The following TRABD2B variants were observed in gnomAD, a reference collection of about 807,000 sequenced individuals.
The protein encoded by TRABD2B is TraB domain containing 2B.
Under a neutral mutation model 40.1 loss-of-function variants are expected in TRABD2B, and 14 were observed. The ratio of observed to expected loss-of-function variants is 0.35; its 90% CI spans 0.23 to 0.55. TRABD2B has a LOEUF of 0.55. Ranked by LOEUF, TRABD2B falls within the 20% of genes least tolerant of loss-of-function variation. The probability of loss-of-function intolerance (pLI) is 0.90; values close to 1 mark genes in which losing one functional copy is unlikely to be tolerated. For missense variants in TRABD2B, 541 were observed against 648.6 expected (o/e 0.83, Z 1.80); for synonymous variants, 263 against 277.0 (o/e 0.95, Z 0.50).
chr1:47,926,113 T>C (rs1644965426), intron 2 of TRABD2B, among the ~76,000 whole-genome samples: 1 of 152,250 alleles, frequency 6.6e-6, no homozygotes, highest in Admixed American at 6.5e-5. Flanking sequence ...TTTGCTAAAG[T>C]CACTTGTTTA....
chr1:47,968,692 T>A (rs1645638084), intron 2 of TRABD2B, among the ~76,000 whole-genome samples: 2 of 152,228 alleles, frequency 1.3e-5, no homozygotes, highest in Non-Finnish European at 2.9e-5. Flanking sequence ...CAAGACTAGC[T>A]CTGGGGTGGG....
intron 2 of TRABD2B, among the ~76,000 whole-genome samples, chr1:47,903,957 T>G (rs1406043772): frequency 1.3e-5 from 2 of 152,168 alleles, no homozygotes; most frequent in African/African-American, 4.8e-5. Context: ...TGCTCTGAGG[T>G]GTCTCTCCTT....
rs563243041 is a variant in TRABD2B, at chr1:47,843,032, C to T, written c.667-41413G>A. Among the ~76,000 whole-genome samples, 8 of 152,102 alleles carry T rather than the reference C, an allele frequency of 5.3e-5. 3 individuals are homozygous for T. The highest frequency in any genetic ancestry group is 1.9e-4 in the African/African-American group (8 of 41,480). Reference sequence around the variant, plus strand: ...TCATGATGAAGGAGCATGGCAGCTGCCCGAAGGACAGCAAGAGGCCAGTGT... The same window carrying T: ...TCATGATGAAGGAGCATGGCAGCTGTCCGAAGGACAGCAAGAGGCCAGTGT... On this transcript the variant is annotated intron_variant, in intron 2 of 6. Coordinates refer to ENST00000606738, the MANE Select transcript of TRABD2B (RefSeq NM_001194986.2).
intron 4 of TRABD2B, among the ~76,000 whole-genome samples, chr1:47,783,857 T>C (rs1359451870): frequency 6.6e-6 from 1 of 152,046 alleles, no homozygotes; most frequent in Non-Finnish European, 1.5e-5. Flanking sequence ...GTAGAGCGAG[T>C]GCTGTCCTAG....
chr1:47,977,555 A>G (rs772354442), intron 2 of TRABD2B, among the ~76,000 whole-genome samples: 2 of 152,090 alleles, frequency 1.3e-5, no homozygotes, highest in Non-Finnish European at 2.9e-5. Context: ...TATATACGTG[A>G]AGACTGAGGC....
intron 2 of TRABD2B, among the ~76,000 whole-genome samples, chr1:47,903,491 CA>C (rs1312879921): frequency 1.3e-5 from 2 of 152,112 alleles, no homozygotes; most frequent in Non-Finnish European, 2.9e-5. Flanking sequence ...GCTTTGTCTG[CA>C]CTGTGTCTGT....
intron 2 of TRABD2B, among the ~76,000 whole-genome samples, chr1:47,881,794 G>C (rs1314828545): frequency 6.6e-6 from 1 of 152,196 alleles, no homozygotes; most frequent in Non-Finnish European, 1.5e-5. Flanking sequence ...TGCATGGCTT[G>C]TGGCATCTGT....
intron 2 of TRABD2B, among the ~76,000 whole-genome samples, chr1:47,944,205 G>A (rs943070922): frequency 2.0e-5 from 3 of 152,194 alleles, no homozygotes; most frequent in African/African-American, 7.2e-5. Context: ...TGTGGAGAGA[G>A]GGAGCAGGGG....
intron 2 of TRABD2B, among the ~76,000 whole-genome samples, chr1:47,906,974 G>T (rs915580769): frequency 1.1e-4 from 16 of 152,352 alleles, no homozygotes; most frequent in African/African-American, 3.8e-4. Context: ...TCCCCGGACA[G>T]TGATGGCCTG....
At chr1:47,951,289 CG>C (rs1645340604) in intron 2 of TRABD2B, among the ~76,000 whole-genome samples, 1 of 152,192 alleles carries the variant, frequency 6.6e-6, no homozygotes, top group Non-Finnish European at 1.5e-5. Context: ...GGCCACAATG[CG>C]GGGGATTCTT....
intron 2 of TRABD2B, among the ~76,000 whole-genome samples, chr1:47,907,953 T>C (rs974911730): frequency 3.9e-5 from 6 of 152,224 alleles, no homozygotes; most frequent in African/African-American, 1.4e-4. Flanking sequence ...GTAAAGTTTT[T>C]GCCTCCTCTC....
chr1:47,903,033 A>G (rs932227145), intron 2 of TRABD2B, among the ~76,000 whole-genome samples: 1 of 152,048 alleles, frequency 6.6e-6, no homozygotes, highest in Admixed American at 6.5e-5. Flanking sequence ...GTCTGGGTTC[A>G]TGAAGCCACT....
At chr1:47,986,444 C>T (rs1645919948) in intron 2 of TRABD2B, among the ~76,000 whole-genome samples, 1 of 152,140 alleles carries the variant, frequency 6.6e-6, no homozygotes, top group Non-Finnish European at 1.5e-5. Flanking sequence ...ATTGTGAGCA[C>T]ATTTTGAGCT....
intron 2 of TRABD2B, among the ~76,000 whole-genome samples, chr1:47,894,547 G>A (rs1644491828): frequency 6.6e-6 from 1 of 152,154 alleles, no homozygotes; most frequent in Non-Finnish European, 1.5e-5. Flanking sequence ...GTGAGAAGAT[G>A]GAACAGAATG....
At chr1:47,899,222 C>T (rs1347967155) in intron 2 of TRABD2B, among the ~76,000 whole-genome samples, 1 of 152,192 alleles carries the variant, frequency 6.6e-6, no homozygotes, top group East Asian at 1.9e-4. Context: ...GCTTGCCCCA[C>T]AGATCTTGGC....
In TRABD2B at chr1:47,994,909, C is replaced by T. The variant is rs185202387; in HGVS notation, c.103-312G>A. On this transcript the variant is annotated intron_variant, in intron 1 of 6. Transcript: ENST00000606738. The surrounding 1 kb of genome is among the most constrained non-coding windows in gnomAD (Gnocchi z 6.7). ...AAAGATACAATATATGTATATTAAG[C>T]CCTCAGAGCAGTGCCAGGTACAGAG... 7.8e-4 allele frequency among the ~76,000 whole-genome samples: 118 copies of T among 152,220 alleles called. No individual in the cohort carries two copies. Among genetic ancestry groups the T allele is most frequent in the African/African-American group, 2.4e-3 (98 of 41,530 alleles).
Position 47,775,904 on chromosome 1 carries a change from G to A in TRABD2B, c.1080-465C>T, listed in dbSNP as rs1341948799. 3.9e-5 allele frequency among the ~76,000 whole-genome samples: 6 copies of A among 152,118 alleles called. No homozygotes were observed. In the East Asian group the frequency reaches 9.7e-4, roughly 24 times the overall value. On this transcript the variant is annotated intron_variant, in intron 5 of 6. Coordinates refer to ENST00000606738, the MANE Select transcript of TRABD2B (RefSeq NM_001194986.2). Reference sequence around the variant, plus strand: ...CAGGTGACATTTGAGCCCAGGCTAGGAAGACGTGAGGGAGCGAGCCCTGGG... The same window carrying A: ...CAGGTGACATTTGAGCCCAGGCTAGAAAGACGTGAGGGAGCGAGCCCTGGG...
intron 2 of TRABD2B, among the ~76,000 whole-genome samples, chr1:47,864,711 C>G (rs542220616): frequency 6.6e-6 from 1 of 152,070 alleles, no homozygotes; most frequent in African/African-American, 2.4e-5. Context: ...CACATGGCTG[C>G]CTGATGACAT....
intron 2 of TRABD2B, among the ~76,000 whole-genome samples, chr1:47,987,705 G>A (rs1393290082): frequency 6.6e-6 from 1 of 152,192 alleles, no homozygotes; most frequent in South Asian, 2.1e-4. Context: ...CAGCCCTCTG[G>A]GCACAGAAAT....
Sources: gnomAD v4.1 joint callset for allele counts (sites outside exome capture counted in the v4.1 genomes callset) on GRCh38, gnomAD v4.1.1 for gene constraint, Gnocchi (gnomAD v3.1) non-coding constraint, MANE v1.5 for transcripts, NCBI Gene and HGNC (gene_info 2026-07-23, HGNC 2026-07-21) for gene names.